SLC41A2: variants seen among roughly 807,000 people sequenced by gnomAD.
SLC41A2 encodes the protein solute carrier family 41 member 2.
SLC41A2 carries 32 observed loss-of-function variants against 58.3 expected under a neutral mutation model. The ratio of observed to expected loss-of-function variants is 0.55; its 90% confidence interval spans 0.41 to 0.74. SLC41A2 has a LOEUF of 0.74. Among genes scored for constraint, SLC41A2 ranks in the 30% least tolerant of loss-of-function variants. SLC41A2 has a pLI of 0.00. For missense variants in SLC41A2, 514 were observed against 680.6 expected, an observed-to-expected ratio of 0.76 and a Z score of 2.72; for synonymous variants, 190 against 235.0, an observed-to-expected ratio of 0.81 and a Z score of 1.75.
At chr12:104,900,233 A>C (rs546594689) in intron 3 of SLC41A2, among the ~76,000 whole-genome samples, 23 of 152,232 alleles carry the variant, frequency 1.5e-4, no homozygotes, top group Admixed American at 5.2e-4. Context: ...ATCACTTTTC[A>C]TTGCCTTCAA....
chr12:104,854,571 A>AAAC (rs1555202617), intron 8 of SLC41A2, among the ~76,000 whole-genome samples: 12 of 31,102 alleles, frequency 3.9e-4, no homozygotes, highest in South Asian at 3.4e-3. Context: ...TCAAAAAAAC[A>AAAC]AAAAAAAAAA....
chr12:104,884,404 A>T (rs2044549129), intron 6 of SLC41A2, among the ~76,000 whole-genome samples: 2 of 152,138 alleles, frequency 1.3e-5, no homozygotes, highest in African/African-American at 2.4e-5. Flanking sequence ...GAAATGCAGA[A>T]ATCACCCATC....
At chr12:104,904,343 C>G (rs1288014049) in intron 3 of SLC41A2, among the ~76,000 whole-genome samples, 1 of 152,156 alleles carries the variant, frequency 6.6e-6, no homozygotes, top group Non-Finnish European at 1.5e-5. Flanking sequence ...ATTCAAATAA[C>G]TTTCTTCTTC....
intron 1 of SLC41A2, among the ~76,000 whole-genome samples, chr12:104,952,178 G>A (rs1278789318): frequency 2.0e-5 from 3 of 152,070 alleles, no homozygotes; most frequent in Non-Finnish European, 4.4e-5. Context: ...AAACAGCAAC[G>A]TCATGTCTAC....
intron 10 of SLC41A2, among the ~76,000 whole-genome samples, chr12:104,832,936 T>C (rs1408915004): frequency 6.6e-6 from 1 of 152,182 alleles, no homozygotes; most frequent in African/African-American, 2.4e-5. Flanking sequence ...TGCACAGCTA[T>C]TGTCCCAGCA....
At chr12:104,921,584 C>T (rs1404370702) in intron 2 of SLC41A2, among the ~76,000 whole-genome samples, 1 of 151,388 alleles carries the variant, frequency 6.6e-6, no homozygotes, top group Non-Finnish European at 1.5e-5. Flanking sequence ...GAATTCAGCA[C>T]CTCTAGTTTT....
chr12:104,862,306 G>A (rs563436081), intron 7 of SLC41A2, among the ~76,000 whole-genome samples: 92 of 152,200 alleles, frequency 6.0e-4, no homozygotes, highest in Middle Eastern at 6.8e-3. Flanking sequence ...AACTGTGGGC[G>A]TTCTCATTAA....
intron 2 of SLC41A2, among the ~76,000 whole-genome samples, chr12:104,926,916 T>C (rs2046866128): frequency 6.6e-6 from 1 of 151,650 alleles, no homozygotes; most frequent in Non-Finnish European, 1.5e-5. Flanking sequence ...CAAGACCTTG[T>C]CTCTAAAAAA....
intron 5 of SLC41A2, among the ~76,000 whole-genome samples, chr12:104,886,725 A>G (rs2044687923): frequency 6.6e-6 from 1 of 152,050 alleles, no homozygotes; most frequent in Non-Finnish European, 1.5e-5. Flanking sequence ...AGTGACATGT[A>G]TATCTTAGAT....
chr12:104,903,501 T>C (rs978997310), intron 3 of SLC41A2, among the ~76,000 whole-genome samples: 1 of 152,202 alleles, frequency 6.6e-6, no homozygotes, highest in Non-Finnish European at 1.5e-5. Flanking sequence ...AAAATTTAGA[T>C]TGCTGAGCCA....
At chr12:104,923,494 A>C in intron 2 of SLC41A2, among the ~76,000 whole-genome samples, 1 of 152,084 alleles carries the variant, frequency 6.6e-6, no homozygotes. Context: ...CAGAGCAGAA[A>C]TAATGAAATT....
At chr12:104,814,064 G>A (rs1292999730) in intron 10 of SLC41A2, among the ~76,000 whole-genome samples, 4 of 152,100 alleles carry the variant, frequency 2.6e-5, no homozygotes. Flanking sequence ...GTATGTATAT[G>A]TTTCAGAATA....
intron 8 of SLC41A2, among the ~76,000 whole-genome samples, chr12:104,847,372 G>C (rs1172571045): frequency 1.3e-5 from 2 of 152,018 alleles, no homozygotes; most frequent in Non-Finnish European, 2.9e-5. Flanking sequence ...GGGGGGCCGA[G>C]GTGGGTGGAT....
At chr12:104,886,143 AG>A in intron 6 of SLC41A2, 149 bp downstream of exon 6, 1 of 691,170 alleles carries the variant, frequency 1.4e-6, no homozygotes, top group Non-Finnish European at 2.3e-6. Context: ...AACACATAGT[AG>A]GTATAAAACA....
At chr12:104,828,173 C>G (rs1442327401) in intron 10 of SLC41A2, among the ~76,000 whole-genome samples, 5 of 152,158 alleles carry the variant, frequency 3.3e-5, no homozygotes, top group Admixed American at 1.3e-4. Context: ...TCAGGAGGAA[C>G]ACACCGACAG....
At chr12:104,945,985 CAAGTAT>C (rs780996884) in intron 1 of SLC41A2, among the ~76,000 whole-genome samples, 7 of 152,156 alleles carry the variant, frequency 4.6e-5, no homozygotes, top group Admixed American at 3.3e-4. Context: ...CCAAACAAAA[CAAGTAT>C]AAGAGTCAAA....
chr12:104,879,170 T>G (rs1375217412), intron 6 of SLC41A2, among the ~76,000 whole-genome samples: 1 of 152,270 alleles, frequency 6.6e-6, no homozygotes, highest in Non-Finnish European at 1.5e-5. Context: ...TTTGATTTTT[T>G]TCTTGTAAAT....
At chr12:104,876,912 T>G (rs73399956) in intron 6 of SLC41A2, among the ~76,000 whole-genome samples, 4,662 of 152,288 alleles carry the variant, frequency 0.031, 135 homozygotes, top group East Asian at 0.15. Flanking sequence ...TTACTGTCTA[T>G]TTCCCCCTTC....
Position 104,928,193 on chromosome 12 carries a change from T to C in SLC41A2, c.335A>G (p.Tyr112Cys). 2 of 1,614,188 alleles carry C rather than the reference T, an allele frequency of 1.2e-6. No individual in the cohort carries two copies. Among genetic ancestry groups the C allele is most frequent in the South Asian group, 1.1e-5 (1 of 91,080 alleles). Residue 112 changes from tyrosine (Y) to cysteine (C), a missense_variant, in exon 2 of 11, where the codon TAT (tyrosine) becomes TGT (cysteine). Coordinates refer to ENST00000258538, the MANE Select transcript of SLC41A2 (RefSeq NM_001352171.3). Reference protein sequence around the residue: ...SSSCSQKYDDYANYNYCDGRE... With the variant: ...SSSCSQKYDDCANYNYCDGRE... The stretch of plus-strand genomic sequence containing the variant: ...TCCATCACAGTAATTATAATTGGCA[T>C]AGTCATCATACTTTTGGCTGCAGCT...
Sources: gnomAD v4.1 joint callset for allele counts (sites outside exome capture counted in the v4.1 genomes callset) on GRCh38, gnomAD v4.1.1 for gene constraint, MANE v1.5 for transcripts, NCBI Gene and HGNC (gene_info 2026-07-23, HGNC 2026-07-21) for gene names.